Variants in RORB observed in about 807,000 individuals in gnomAD.
RORB encodes the protein RAR related orphan receptor B.
A neutral mutation model predicts 59.1 loss-of-function variants in RORB; 6 were observed. The ratio of observed to expected loss-of-function variants is 0.10; its 90% CI spans 0.06 to 0.20. The LOEUF (loss-of-function observed/expected upper bound fraction) is 0.20, where lower values mean the gene tolerates loss of function less well. RORB is among the 10% of genes least tolerant of loss of function. The pLI, the probability that RORB is intolerant of heterozygous loss-of-function variation, is 1.00. For synonymous variants in RORB, 215 were observed against 204.5 expected (o/e 1.05, Z -0.44); for missense variants, 320 against 560.5 (o/e 0.57, Z 4.33).
At chr9:74,595,472 C>T (rs1445382279) in intron 1 of RORB, among the ~76,000 whole-genome samples, 1 of 152,194 alleles carries the variant, frequency 6.6e-6, no homozygotes, top group Non-Finnish European at 1.5e-5. Context: ...ACTTAATTTG[C>T]TTTTCATTCT....
At chr9:74,535,869 C>T (rs922161108) in intron 1 of RORB, among the ~76,000 whole-genome samples, 8 of 151,836 alleles carry the variant, frequency 5.3e-5, no homozygotes, top group African/African-American at 1.9e-4. Context: ...AATGTAAGTA[C>T]AAATGACTGG....
At chr9:74,549,142 A>C (rs1370999308) in intron 1 of RORB, among the ~76,000 whole-genome samples, 1 of 152,156 alleles carries the variant, frequency 6.6e-6, no homozygotes, top group Non-Finnish European at 1.5e-5. Context: ...ATTCTCAGCC[A>C]CATTGTTTAA....
Position 74,576,780 on chromosome 9 carries a change from T to C in RORB, c.8-53502T>C, listed in dbSNP as rs574816960. Reference sequence around the variant, plus strand: ...CAAAAGCCTTTTTTAAAGAACATTCTTATATAATAATGATAGCTAACACTT... The same window carrying C: ...CAAAAGCCTTTTTTAAAGAACATTCCTATATAATAATGATAGCTAACACTT... On this transcript the variant is annotated intron_variant, in intron 1 of 9. Coordinates refer to ENST00000376896, the MANE Select transcript of RORB (RefSeq NM_006914.4). 4.6e-5 allele frequency among the ~76,000 whole-genome samples: 7 copies of C among 152,254 alleles called. No homozygotes were observed. The East Asian group carries it at 1.4e-3, about 29-fold the overall frequency.
intron 1 of RORB, among the ~76,000 whole-genome samples, chr9:74,562,695 A>G (rs1822413241): frequency 6.6e-6 from 1 of 152,206 alleles, no homozygotes; most frequent in Non-Finnish European, 1.5e-5. Flanking sequence ...TGGACACTGG[A>G]ATCCATGTCA....
At chr9:74,499,205 A>C (rs1825768973) in intron 1 of RORB, 1 of 152,536 alleles carries the variant, frequency 6.6e-6, no homozygotes, top group South Asian at 2.1e-4. Context: ...CCAGCTCCAG[A>C]CCTTCTTGCA....
intron 1 of RORB, among the ~76,000 whole-genome samples, chr9:74,516,556 G>A (rs1046717596): frequency 1.3e-5 from 2 of 152,092 alleles, no homozygotes; most frequent in African/African-American, 4.8e-5. Flanking sequence ...TTGAAAAAAA[G>A]GAAATCTGTG....
intron 1 of RORB, among the ~76,000 whole-genome samples, chr9:74,503,372 T>C (rs946594296): frequency 1.3e-5 from 2 of 152,072 alleles, no homozygotes; most frequent in Non-Finnish European, 2.9e-5. Context: ...TGTATATGTA[T>C]GTGCCTATAA....
intron 1 of RORB, among the ~76,000 whole-genome samples, chr9:74,591,270 T>TA (rs1354155196): frequency 2.0e-5 from 3 of 152,210 alleles, no homozygotes; most frequent in Non-Finnish European, 4.4e-5. Context: ...CGTCACCTTT[T>TA]AAAAATGGCC....
At chr9:74,573,825 T>C (rs1822589591) in intron 1 of RORB, among the ~76,000 whole-genome samples, 1 of 152,082 alleles carries the variant, frequency 6.6e-6, no homozygotes, top group Non-Finnish European at 1.5e-5. Flanking sequence ...TCAGGTGCTC[T>C]TGAAGCAATT....
intron 1 of RORB, among the ~76,000 whole-genome samples, chr9:74,547,288 G>A (rs908218086): frequency 1.3e-5 from 2 of 152,236 alleles, no homozygotes; most frequent in Admixed American, 1.3e-4. Flanking sequence ...AAATAAGGTG[G>A]TGGTTTGAAC....
intron 1 of RORB, among the ~76,000 whole-genome samples, chr9:74,616,687 TG>T (rs1823317751): frequency 6.6e-6 from 1 of 152,156 alleles, no homozygotes; most frequent in Non-Finnish European, 1.5e-5. Flanking sequence ...TAATCCTCTT[TG>T]GGTCTGAATC....
chr9:74,531,171 A>G (rs1049465299), intron 1 of RORB, among the ~76,000 whole-genome samples: 3 of 152,014 alleles, frequency 2.0e-5, no homozygotes, highest in African/African-American at 7.2e-5. Context: ...ATCAGTCAGC[A>G]TGAGTGAGCT....
intron 1 of RORB, among the ~76,000 whole-genome samples, chr9:74,540,149 TA>T (rs869262046): frequency 6.6e-6 from 1 of 152,038 alleles, no homozygotes; most frequent in South Asian, 2.1e-4. Flanking sequence ...TATACTTTTT[TA>T]AAAAATATAT....
chr9:74,646,455 T>G (rs910623094), intron 4 of RORB, among the ~76,000 whole-genome samples: 4 of 152,200 alleles, frequency 2.6e-5, no homozygotes, highest in Non-Finnish European at 4.4e-5. Flanking sequence ...CTTGTCTTGC[T>G]GAAAGTTCAC....
intron 1 of RORB, among the ~76,000 whole-genome samples, chr9:74,513,048 T>A (rs1202874271): frequency 6.6e-6 from 1 of 152,190 alleles, no homozygotes; most frequent in Non-Finnish European, 1.5e-5. Context: ...ATTCAAATTA[T>A]CAGTTATTGG....
chr9:74,563,070 C>A (rs762702327), intron 1 of RORB, among the ~76,000 whole-genome samples: 1 of 152,008 alleles, frequency 6.6e-6, no homozygotes, highest in Non-Finnish European at 1.5e-5. Flanking sequence ...ATGAACAGAC[C>A]TTATTTATAT....
intron 1 of RORB, among the ~76,000 whole-genome samples, chr9:74,597,931 C>A (rs1484333386): frequency 6.6e-6 from 1 of 151,536 alleles, no homozygotes; most frequent in African/African-American, 2.4e-5. Flanking sequence ...GCACTCCAGC[C>A]TGGGTGACAA....
intron 1 of RORB, among the ~76,000 whole-genome samples, chr9:74,525,976 A>G (rs187957268): frequency 6.6e-6 from 1 of 152,096 alleles, no homozygotes; most frequent in Admixed American, 6.6e-5. Context: ...GATGGGTTAC[A>G]GTCACTTTAA....
At chr9:74,625,806 G>A (rs1823502382) in intron 1 of RORB, among the ~76,000 whole-genome samples, 1 of 152,144 alleles carries the variant, frequency 6.6e-6, no homozygotes, top group Non-Finnish European at 1.5e-5. Context: ...ATATAGGAAT[G>A]GCCAAGTTGA....
Sources: allele counts gnomAD v4.1 joint callset (sites outside exome capture counted in the v4.1 genomes callset), GRCh38; gene constraint gnomAD v4.1.1; transcripts MANE v1.5; gene names NCBI Gene and HGNC (gene_info 2026-07-23, HGNC 2026-07-21).